ZFP2: variants seen among roughly 807,000 people sequenced by gnomAD.
ZFP2 encodes the protein ZFP2 zinc finger protein, also known as zinc finger protein ZFP2.
A neutral mutation model predicts 36.1 loss-of-function variants in ZFP2; 33 were observed. The ratio of observed to expected loss-of-function variants is 0.92; its 90% CI spans 0.69 to 1.22. The LOEUF (loss-of-function observed/expected upper bound fraction) is 1.22, where lower values mean the gene tolerates loss of function less well. Among genes scored for constraint, ZFP2 ranks in the 50% most tolerant of loss-of-function variants. The probability of loss-of-function intolerance (pLI) is 0.00; values close to 1 mark genes in which losing one functional copy is unlikely to be tolerated. For synonymous variants in ZFP2, 170 were observed against 178.0 expected, an observed-to-expected ratio of 0.96 and a Z score of 0.36; for missense variants, 522 against 551.4, an observed-to-expected ratio of 0.95 and a Z score of 0.53.
intron 1 of ZFP2, among the ~76,000 whole-genome samples, chr5:178,908,627 A>G (rs1006220357): frequency 3.3e-5 from 5 of 151,846 alleles, no homozygotes; most frequent in Admixed American, 2.0e-4. Context: ...TACCAAAAAA[A>G]AAAAAAAAAA....
intron 4 of ZFP2, among the ~76,000 whole-genome samples, chr5:178,921,114 G>T (rs913828945): frequency 1.7e-4 from 26 of 152,182 alleles, no homozygotes; most frequent in South Asian, 2.1e-4. Context: ...TCTGTGGCCA[G>T]TATGGAATTT....
At chr5:178,909,597 G>T in intron 1 of ZFP2, 1 of 1,061,250 alleles carries the variant, frequency 9.4e-7, no homozygotes, top group South Asian at 2.5e-5. Flanking sequence ...CCCAACAAAG[G>T]TGTGAAGTAG....
At position 178,931,098 on chromosome 5, in the gene ZFP2, T is replaced by C. The variant is rs1758824152; in HGVS notation, c.-77-139T>C. The C allele has an allele frequency of 5.6e-6, 5 of 892,264 alleles. No individual in the cohort carries two copies. The South Asian group carries it at 1.2e-4, about 22-fold the overall frequency. 55.3% of individuals were successfully genotyped at this position (892,264 alleles called of 1,614,324 possible). ...TCCTATTTCTCTACCTAATTTTGGG[T>C]ACATGTTTGAAAGCTCTCAAATGTG... On this transcript the variant is annotated intron_variant, in intron 4 of 4. Coordinates refer to ENST00000361362, the MANE Select transcript of ZFP2 (RefSeq NM_030613.4).
chr5:178,921,998 T>A, intron 4 of ZFP2: 1 of 635,000 alleles, frequency 1.6e-6, no homozygotes, highest in Non-Finnish European at 2.9e-6. Flanking sequence ...CATTCTTATT[T>A]ACTGTAAAAA....
In ZFP2 at chr5:178,931,281, G is replaced by T; in HGVS notation, c.-33G>T. The T allele has an allele frequency of 6.5e-7, 1 of 1,542,696 alleles. No homozygotes were observed. The highest frequency in any genetic ancestry group is 1.4e-5 in the African/African-American group (1 of 72,134). On this transcript the variant is annotated 5_prime_UTR_variant, in exon 5 of 5. Coordinates refer to ENST00000361362, the MANE Select transcript of ZFP2 (RefSeq NM_030613.4). ...AACCAAAGAGCCAACTCCGAAGCCG[G>T]GTATTACTGAAGATTTATGCCATGG...
chr5:178,908,639 C>A lies in ZFP2; in HGVS notation c.-449-3945C>A, dbSNP rs1401313850. 1.4e-4 allele frequency among the ~76,000 whole-genome samples: 17 copies of A among 121,226 alleles called. No individual in the cohort carries two copies. The South Asian group carries it at 1.8e-3, about 13-fold the overall frequency. The allele number at this position is 121,226 out of a possible 152,430, so 79.5% of individuals were successfully genotyped here. ...CCCTACCAAAAAAAAAAAAAAAAAA[C>A]CTAATTTGTGCAAGAAATGGCAGGC... On this transcript the variant is annotated intron_variant, in intron 1 of 4. Coordinates refer to ENST00000361362, the MANE Select transcript of ZFP2 (RefSeq NM_030613.4).
chr5:178,908,529 A>G (rs1758218461), intron 1 of ZFP2, among the ~76,000 whole-genome samples: 1 of 151,390 alleles, frequency 6.6e-6, no homozygotes, highest in African/African-American at 2.4e-5. Context: ...TAGAAACAAT[A>G]TGCAAAACAG....
intron 1 of ZFP2, among the ~76,000 whole-genome samples, chr5:178,908,233 G>A (rs1484883859): frequency 5.3e-5 from 8 of 152,132 alleles, no homozygotes; most frequent in Admixed American, 5.2e-4. Context: ...CAGATCATGA[G>A]GTCAGGAGAT....
At chr5:178,901,090 G>C (rs925869290) in intron 1 of ZFP2, among the ~76,000 whole-genome samples, 1 of 152,138 alleles carries the variant, frequency 6.6e-6, no homozygotes, top group Admixed American at 6.5e-5. Context: ...ATTTCAAGTT[G>C]TTTCCTGTTT....
chr5:178,921,042 G>T (rs1758550473), intron 4 of ZFP2, among the ~76,000 whole-genome samples: 1 of 152,208 alleles, frequency 6.6e-6, no homozygotes, highest in Admixed American at 6.5e-5. Flanking sequence ...TGTGGTTTCT[G>T]TGTCAGTTTG....
intron 1 of ZFP2, among the ~76,000 whole-genome samples, chr5:178,903,495 T>C (rs1758099712): frequency 6.6e-6 from 1 of 152,252 alleles, no homozygotes; most frequent in South Asian, 2.1e-4. Flanking sequence ...CCCATTTTTA[T>C]ATTGAGTTAT....
intron 4 of ZFP2, among the ~76,000 whole-genome samples, chr5:178,929,649 A>G (rs951880831): frequency 6.6e-6 from 1 of 152,180 alleles, no homozygotes; most frequent in Non-Finnish European, 1.5e-5. Context: ...CATTTTGGTC[A>G]TAACCATTTA....
At chr5:178,926,613 T>A (rs555233102) in intron 4 of ZFP2, among the ~76,000 whole-genome samples, 5 of 152,168 alleles carry the variant, frequency 3.3e-5, no homozygotes, top group African/African-American at 1.2e-4. Flanking sequence ...GCCTCCCAGG[T>A]TCACGCCATT....
chr5:178,913,679 C>G (rs1362882616), intron 3 of ZFP2, among the ~76,000 whole-genome samples: 1 of 151,922 alleles, frequency 6.6e-6, no homozygotes, highest in Non-Finnish European at 1.5e-5. Context: ...CATTCAATGC[C>G]ATTTACCTCA....
At chr5:178,928,133 T>C (rs1157868882) in intron 4 of ZFP2, among the ~76,000 whole-genome samples, 1 of 151,928 alleles carries the variant, frequency 6.6e-6, no homozygotes, top group Non-Finnish European at 1.5e-5. Flanking sequence ...CATGATCCAG[T>C]CACCTCCCAT....
chr5:178,897,008 C>T (rs75248428), intron 1 of ZFP2, among the ~76,000 whole-genome samples: 5,918 of 151,384 alleles, frequency 0.039, 407 homozygotes, highest in African/African-American at 0.14. Flanking sequence ...ATTGAATCCT[C>T]TCCTTAGGTT....
intron 4 of ZFP2, among the ~76,000 whole-genome samples, chr5:178,929,558 G>C (rs941853448): frequency 9.9e-5 from 15 of 152,168 alleles, no homozygotes; most frequent in Non-Finnish European, 1.6e-4. Context: ...TAGCAAAAAT[G>C]ACCTTTGCTG....
At chr5:178,910,245 A>G in intron 1 of ZFP2, 1 of 1,575,826 alleles carries the variant, frequency 6.3e-7, no homozygotes, top group Non-Finnish European at 8.7e-7. Context: ...CAGCACTCGG[A>G]ATTCTGTGGG....
At position 178,931,558 on chromosome 5, in the gene ZFP2, A is replaced by T; in HGVS notation, c.245A>T (p.Asp82Val). 6.2e-7 allele frequency: 1 copy of T among 1,614,208 alleles called. No individual in the cohort carries two copies. The highest frequency in any genetic ancestry group is 8.5e-7 in the Non-Finnish European group (1 of 1,180,032). ...CATAACTGTAATTCACATGGAGAAG[A>T]TGCCACACAAAATTCTGAGTTAATT... The part of the protein sequence containing the change: ...RPHNCNSHGE[D>V]ATQNSELIKT... The change falls in exon 5 of 5, where the codon GAT becomes GTT. Residue 82 changes from aspartate to valine, a missense_variant. Transcript: ENST00000361362.
Sources: gnomAD v4.1 joint callset for allele counts (sites outside exome capture counted in the v4.1 genomes callset) on GRCh38, gnomAD v4.1.1 for gene constraint, MANE v1.5 for transcripts, NCBI Gene and HGNC (gene_info 2026-07-23, HGNC 2026-07-21) for gene names.